Variants in RBAK observed in about 807,000 individuals in gnomAD.
RBAK encodes RB-associated KRAB zinc finger protein.
A neutral mutation model predicts 65.8 loss-of-function variants in RBAK; 39 were observed. The observed-to-expected ratio is 0.59, with a 90% CI of 0.46 to 0.77. RBAK has a LOEUF of 0.77. RBAK is among the 30% of genes least tolerant of loss of function. The probability of loss-of-function intolerance (pLI) is 0.00; values close to 1 mark genes in which losing one functional copy is unlikely to be tolerated. For synonymous variants in RBAK, 343 were observed against 289.7 expected, an observed-to-expected ratio of 1.18 and a Z score of -1.87; for missense variants, 884 against 855.1, an observed-to-expected ratio of 1.03 and a Z score of -0.42.
rs1434132864 is a variant in RBAK, at chr7:5,057,145, ATG to A, written c.16-146_16-145del. On this transcript the variant is annotated intron_variant, in intron 2 of 4. Coordinates refer to ENST00000396912, the MANE Select transcript of RBAK (RefSeq NM_021163.4). ...ATTATGTATTATAACCCCAAAGGAT[ATG>A]TGTTTCCAATATGATTTCCCTTCCA... The A allele has an allele frequency of 3.1e-5, 31 of 993,398 alleles. No homozygotes were observed. The African/African-American group carries it at 4.5e-4, about 14-fold the overall frequency. 61.5% of individuals were successfully genotyped at this position (993,398 alleles called of 1,614,324 possible). A position where few individuals can be genotyped will look rare whatever the true frequency, so the allele number is the denominator to read the frequency against.
rs759968367 is a variant in RBAK at position 5,065,036 on chromosome 7, A to T, written c.1580A>T (p.Asp527Val). The T allele has an allele frequency of 1.2e-6, 2 of 1,613,614 alleles. No homozygotes were observed. The highest frequency in any genetic ancestry group is 1.3e-5 in the African/African-American group (1 of 74,818). The change falls in exon 5 of 5, where the codon GAT (aspartate) becomes GTT (valine). Residue 527 changes from aspartate to valine, a missense_variant. Asp to Val is a radical substitution (Grantham distance 152, BLOSUM62 -3). Coordinates refer to ENST00000396912, the MANE Select transcript of RBAK (RefSeq NM_021163.4). The surrounding 1 kb of genome is among the most constrained non-coding windows in gnomAD (Gnocchi z 5.3). ...GKTFLVNSAFDGHQPLPKGEK... is the reference protein window; with the variant it reads ...GKTFLVNSAFVGHQPLPKGEK... ...ACCTTCCTTGTAAATTCAGCCTTCG[A>T]TGGGCACCAGCCACTTCCAAAAGGG...
Position 5,057,799 on chromosome 7 carries a change from A to G in RBAK, c.238+20A>G, listed in dbSNP as rs760670684. 6.2e-7 allele frequency: 1 copy of G among 1,613,746 alleles called. No individual in the cohort carries two copies. Among genetic ancestry groups the G allele is most frequent in the Non-Finnish European group, 8.5e-7 (1 of 1,179,678 alleles). ...GTCCAGGTAAGTTAGTAGCGTATCA[A>G]AGGTTAAAAAATGCTCATCCCAGAC... On this transcript the variant is annotated intron_variant, in intron 4 of 4. Coordinates refer to ENST00000396912, the MANE Select transcript of RBAK (RefSeq NM_021163.4).
rs1779268017 is a variant in RBAK at position 5,068,206 on chromosome 7, CA to C, written c.*2607del. Reference sequence around the variant, plus strand: ...ATGGTGAAAATTTTCAGCTTTGTCACAACTGCTCATCTTTGCTATTGTGTGA... The same window carrying C: ...ATGGTGAAAATTTTCAGCTTTGTCACACTGCTCATCTTTGCTATTGTGTGA... On this transcript the variant is annotated 3_prime_UTR_variant, in exon 5 of 5. Coordinates refer to ENST00000396912, the MANE Select transcript of RBAK (RefSeq NM_021163.4). 1 of 152,032 alleles carries C rather than the reference CA, an allele frequency of 6.6e-6. No homozygotes were observed. Among genetic ancestry groups the C allele is most frequent in the African/African-American group, 2.4e-5 (1 of 41,404 alleles). 9.4% of individuals were successfully genotyped at this position (152,032 alleles called of 1,614,324 possible).
intron 4 of RBAK, 80 bp from the exon 5 acceptor site, chr7:5,063,615 G>T: frequency 8.8e-7 from 1 of 1,139,838 alleles, no homozygotes; most frequent in Non-Finnish European, 1.2e-6. Context: ...ACCCCACAAT[G>T]GGGGCTCTTG....
At chr7:5,050,339 T>G (rs1788088832) in intron 2 of RBAK, among the ~76,000 whole-genome samples, 1 of 152,258 alleles carries the variant, frequency 6.6e-6, no homozygotes, top group Non-Finnish European at 1.5e-5. Flanking sequence ...ATATCTTTTA[T>G]GCCTTGTTAA....
intron 2 of RBAK, chr7:5,056,914 G>A (rs35995564): frequency 0.38 from 57,375 of 151,816 alleles, 11,063 homozygotes; most frequent in East Asian, 0.55. Flanking sequence ...TAAAATGCTT[G>A]TGTTTGTTTA....
rs1180757658 is a variant in RBAK, at chr7:5,065,647, G to C, written c.*46G>C. On this transcript the variant is annotated 3_prime_UTR_variant, in exon 5 of 5. Transcript: ENST00000396912. The surrounding 1 kb of genome is among the most constrained non-coding windows in gnomAD (Gnocchi z 5.3). Reference sequence around the variant, plus strand: ...AAAACTCTCTGAATATAATGAATATGGGGAATCCAATAGGAAGTCAAAGCG... The same window carrying C: ...AAAACTCTCTGAATATAATGAATATCGGGAATCCAATAGGAAGTCAAAGCG... The C allele has an allele frequency of 5.2e-6, 7 of 1,351,492 alleles. No individual in the cohort carries two copies. In the Admixed American group the frequency reaches 7.5e-5, roughly 15 times the overall value. 83.7% of individuals were successfully genotyped at this position (1,351,492 alleles called of 1,614,324 possible). A position where few individuals can be genotyped will look rare whatever the true frequency, so the allele number is the denominator to read the frequency against.
chr7:5,061,224 G>A (rs1333971066), intron 4 of RBAK, among the ~76,000 whole-genome samples: 2 of 151,994 alleles, frequency 1.3e-5, no homozygotes, highest in Non-Finnish European at 2.9e-5. Context: ...TTTCAGATGA[G>A]TGAAACTGCA....
Position 5,057,276 on chromosome 7 carries a change from G to C in RBAK, c.16-19G>C, listed in dbSNP as rs1778948633. ...TCCCTTTTCCGTATCTCCCAATTCT[G>C]ATCATGTTGCCATTACAGGGGCCAG... On this transcript the variant is annotated intron_variant, in intron 2 of 4. Transcript: ENST00000396912. 6.2e-7 allele frequency: 1 copy of C among 1,613,728 alleles called. No individual in the cohort carries two copies. Among genetic ancestry groups the C allele is most frequent in the South Asian group, 1.1e-5 (1 of 91,068 alleles).
intron 2 of RBAK, among the ~76,000 whole-genome samples, chr7:5,053,203 A>G (rs1334595172): frequency 6.6e-6 from 1 of 152,172 alleles, no homozygotes; most frequent in African/African-American, 2.4e-5. Flanking sequence ...CATTTCTTCT[A>G]GTTGATGAAT....
In RBAK at chr7:5,067,357, A is replaced by C. The variant is rs1324060822; in HGVS notation, c.*1756A>C. The C allele has an allele frequency of 1.3e-5, 2 of 152,194 alleles. No individual in the cohort carries two copies. Among genetic ancestry groups the C allele is most frequent in the Non-Finnish European group, 2.9e-5 (2 of 68,014 alleles). 9.4% of individuals were successfully genotyped at this position (152,194 alleles called of 1,614,324 possible). On this transcript the variant is annotated 3_prime_UTR_variant, in exon 5 of 5. Coordinates refer to ENST00000396912, the MANE Select transcript of RBAK (RefSeq NM_021163.4). ...AAAAAGCATTTTATGATATACCAGC[A>C]AAAAACATGGAAAATGAAATTTTGA... is the stretch of plus-strand genomic sequence containing the variant.
At chr7:5,063,087 G>T (rs1333545955) in intron 4 of RBAK, among the ~76,000 whole-genome samples, 3 of 152,180 alleles carry the variant, frequency 2.0e-5, no homozygotes, top group Non-Finnish European at 4.4e-5. Context: ...AATCACAAGG[G>T]TATTGATTGG....
chr7:5,064,801 A>G lies in RBAK; in HGVS notation c.1345A>G (p.Arg449Gly). 1.2e-6 allele frequency: 2 copies of G among 1,614,152 alleles called. No homozygotes were observed. Among genetic ancestry groups the G allele is most frequent in the Non-Finnish European group, 1.7e-6 (2 of 1,179,972 alleles). The change falls in exon 5 of 5, where the codon AGA becomes GGA. Residue 449 changes from arginine to glycine, a missense_variant. Coordinates refer to ENST00000396912, the MANE Select transcript of RBAK (RefSeq NM_021163.4). This position sits in a 1 kb window ranked among gnomAD's most constrained non-coding sequence, Gnocchi z 6.3. ...SRVSYLTIHY[R>G]SHLEEKPYEC... Reference sequence around the variant, plus strand: ...GGTGTCATACCTCACTATACATTATAGAAGTCATTTAGAAGAGAAACCCTA... The same window carrying G: ...GGTGTCATACCTCACTATACATTATGGAAGTCATTTAGAAGAGAAACCCTA...
chr7:5,052,709 T>C (rs1357887717), intron 2 of RBAK, among the ~76,000 whole-genome samples: 2 of 152,148 alleles, frequency 1.3e-5, no homozygotes, highest in Non-Finnish European at 2.9e-5. Context: ...CCACACAGAA[T>C]CTATTACGTT....
Position 5,068,160 on chromosome 7 carries a change from CTT to C in RBAK, c.*2561_*2562del, listed in dbSNP as rs1265158480. ...CGAGTATAGCAGAAGTGTTGGCAAA[CTT>C]TATAAAGCAAGGCACCAGATGGTGA... On this transcript the variant is annotated 3_prime_UTR_variant, in exon 5 of 5. Coordinates refer to ENST00000396912, the MANE Select transcript of RBAK (RefSeq NM_021163.4). 6.6e-6 allele frequency: 1 copy of C among 151,970 alleles called. No individual in the cohort carries two copies. The highest frequency in any genetic ancestry group is 2.4e-5 in the African/African-American group (1 of 41,290). The allele number at this position is 151,970 out of a possible 1,614,324, so 9.4% of individuals were successfully genotyped here.
chr7:5,047,688 C>G (rs551271521), intron 1 of RBAK, among the ~76,000 whole-genome samples: 1 of 149,708 alleles, frequency 6.7e-6, no homozygotes, highest in Non-Finnish European at 1.5e-5. Flanking sequence ...ACTGCAACCT[C>G]CACCTCCCAG....
Position 5,065,149 on chromosome 7 carries a change from A to G in RBAK, c.1693A>G (p.Lys565Glu). The part of the protein sequence containing the change: ...TEHYRSHSEE[K>E]PYGCSECGKT... ...ACATTATAGAAGTCATTCAGAAGAG[A>G]AACCTTATGGATGTAGCGAATGTGG... Residue 565 changes from lysine to glutamate, a missense_variant, in exon 5 of 5, where the codon AAA (lysine) becomes GAA (glutamate). Transcript: ENST00000396912. The surrounding 1 kb of genome is among the most constrained non-coding windows in gnomAD (Gnocchi z 5.3). 1 of 1,613,982 alleles carries G rather than the reference A, an allele frequency of 6.2e-7. No homozygotes were observed. Among genetic ancestry groups the G allele is most frequent in the Non-Finnish European group, 8.5e-7 (1 of 1,179,958 alleles).
At chr7:5,062,209 C>T (rs1317799768) in intron 4 of RBAK, among the ~76,000 whole-genome samples, 1 of 152,160 alleles carries the variant, frequency 6.6e-6, no homozygotes, top group Non-Finnish European at 1.5e-5. Context: ...TTTTGTTCCT[C>T]CTGATCCCAT....
rs1259962705 is a variant in RBAK, at chr7:5,064,083, A to G, written c.627A>G (p.Glu209=). The change falls in exon 5 of 5, where the codon GAA becomes GAG. Residue 209 remains glutamate (E), a synonymous_variant. Coordinates refer to ENST00000396912, the MANE Select transcript of RBAK (RefSeq NM_021163.4). The surrounding 1 kb of genome is among the most constrained non-coding windows in gnomAD (Gnocchi z 6.3). Reference sequence around the variant, plus strand: ...TGGAGAAACCCTTTGAATATAATGAATGCATGGAAGCCTTAGACAATGAGG... The same window carrying G: ...TGGAGAAACCCTTTGAATATAATGAGTGCATGGAAGCCTTAGACAATGAGG... The part of the protein sequence containing the change: ...SILEKPFEYN[E]CMEALDNEAV... The G allele has an allele frequency of 3.7e-6, 6 of 1,613,958 alleles. No homozygotes were observed. Among genetic ancestry groups the G allele is most frequent in the Non-Finnish European group, 5.1e-6 (6 of 1,180,004 alleles).
Sources: allele counts gnomAD v4.1 joint callset (sites outside exome capture counted in the v4.1 genomes callset), GRCh38; gene constraint gnomAD v4.1.1; non-coding constraint Gnocchi (gnomAD v3.1); transcripts MANE v1.5; gene names NCBI Gene and HGNC (gene_info 2026-07-23, HGNC 2026-07-21).